SIPA1L2: variants seen among roughly 807,000 people sequenced by gnomAD.
SIPA1L2 encodes signal-induced proliferation-associated 1-like protein 2.
A neutral mutation model predicts 163.9 loss-of-function variants in SIPA1L2; 56 were observed. That is an observed-to-expected ratio of 0.34 (90% CI 0.28 to 0.43). The LOEUF is 0.43. Ranked by LOEUF, SIPA1L2 falls within the 20% of genes least tolerant of loss-of-function variation. The pLI, the probability that SIPA1L2 is intolerant of heterozygous loss-of-function variation, is 1.00. For synonymous variants in SIPA1L2, 877 were observed against 865.7 expected, an observed-to-expected ratio of 1.01 and a Z score of -0.23; for missense variants, 1,974 against 2,193.5, an observed-to-expected ratio of 0.90 and a Z score of 2.00.
chr1:232,475,860 G>A (rs1341449481), intron 7 of SIPA1L2, among the ~76,000 whole-genome samples: 1 of 152,174 alleles, frequency 6.6e-6, no homozygotes, highest in Non-Finnish European at 1.5e-5. Context: ...GGATTATGAA[G>A]ATATAAATGT....
intron 2 of SIPA1L2, among the ~76,000 whole-genome samples, chr1:232,517,789 C>T (rs1352636896): frequency 6.6e-6 from 1 of 152,176 alleles, no homozygotes; most frequent in Non-Finnish European, 1.5e-5. Flanking sequence ...ACCTATAACG[C>T]CAGCACTTTG....
chr1:232,403,455 T>C lies in SIPA1L2; in HGVS notation c.4933A>G (p.Thr1645Ala), dbSNP rs1232189110. Residue 1645 changes from threonine (T) to alanine (A), a missense_variant, in exon 21 of 23, where the codon ACA becomes GCA. Around this residue, in one of 3 missense-constraint regions of SIPA1L2, gnomAD observed 1,079 missense variants for 1,150.7 expected, o/e 0.94. Coordinates refer to ENST00000674635, the MANE Select transcript of SIPA1L2 (RefSeq NM_020808.5). ...CCACAGGGGCTCACATACCCAGTTG[T>C]GTCCATGAACTCTTTGCCACTGCCT... Reference protein sequence around the residue: ...DPGSGKEFMDTTGERSPSPLT... With the variant: ...DPGSGKEFMDATGERSPSPLT... 3 of 1,613,008 alleles carry C rather than the reference T, an allele frequency of 1.9e-6. No homozygotes were observed. Among genetic ancestry groups the C allele is most frequent in the Non-Finnish European group, 2.5e-6 (3 of 1,179,584 alleles).
Position 232,483,794 on chromosome 1 carries a change from T to C in SIPA1L2, c.1979A>G (p.Lys660Arg), listed in dbSNP as rs1665506818. ...ACACACACAAACATTAAACTTACTC[T>C]TATTGTCTAGCTGAGCTCGATATTT... ...FSKYRAQLDN[K>R]TDSTGTHSLY... Residue 660 changes from lysine (K) to arginine (R), a missense_variant and splice_region_variant, in exon 6 of 23, where the codon AAG (lysine) becomes AGG (arginine). Physicochemically the swap from Lys to Arg is conservative, Grantham distance 26. Transcript: ENST00000674635. The C allele has an allele frequency of 6.2e-7, 1 of 1,613,894 alleles. No homozygotes were observed.
At chr1:232,630,199 G>A (rs1365953347), upstream of SIPA1L2, among the ~76,000 whole-genome samples, 33 of 151,724 alleles carry the variant, frequency 2.2e-4, no homozygotes, top group African/African-American at 8.0e-4. Flanking sequence ...CGCTCTGCGG[G>A]CTCCCATTGG....
intron 2 of SIPA1L2, among the ~76,000 whole-genome samples, chr1:232,535,676 C>T (rs1657260356): frequency 6.6e-6 from 1 of 152,138 alleles, no homozygotes; most frequent in Non-Finnish European, 1.5e-5. Context: ...GAGCCTATGT[C>T]CAAATGCAAC....
At chr1:232,603,591 G>A (rs1258359495) in intron 1 of SIPA1L2, among the ~76,000 whole-genome samples, 1 of 152,158 alleles carries the variant, frequency 6.6e-6, no homozygotes, top group Non-Finnish European at 1.5e-5. Flanking sequence ...ACAGAGCCGG[G>A]AGGGAAGGCC....
At chr1:232,416,004 G>A (rs1458605575) in intron 18 of SIPA1L2, 11 of 204,640 alleles carry the variant, frequency 5.4e-5, no homozygotes, top group African/African-American at 4.5e-4. Context: ...GTCAGAACAC[G>A]GGCACCACTG....
chr1:232,487,273 A>G (rs1665687843), intron 5 of SIPA1L2, among the ~76,000 whole-genome samples: 1 of 152,218 alleles, frequency 6.6e-6, no homozygotes, highest in Admixed American at 6.5e-5. Context: ...AATGAAGGTG[A>G]GAAGAAAACA....
chr1:232,464,793 G>C, intron 9 of SIPA1L2, 47 bp downstream of exon 9: 2 of 1,450,478 alleles, frequency 1.4e-6, no homozygotes, highest in East Asian at 4.6e-5. Context: ...TTTGAATCTG[G>C]AATTGAAAAC....
chr1:232,404,443 C>T (rs991762605), intron 19 of SIPA1L2, among the ~76,000 whole-genome samples: 52 of 152,274 alleles, frequency 3.4e-4, no homozygotes, highest in African/African-American at 1.2e-3. Context: ...GCATACACAA[C>T]TGTGGGCTTA....
chr1:232,486,140 C>T (rs535456458), intron 5 of SIPA1L2, among the ~76,000 whole-genome samples: 1 of 152,186 alleles, frequency 6.6e-6, no homozygotes, highest in Non-Finnish European at 1.5e-5. Context: ...TCCCATCCAG[C>T]TCTTAAATGA....
chr1:232,431,473 G>A (rs1199029899), intron 16 of SIPA1L2, among the ~76,000 whole-genome samples: 2 of 152,178 alleles, frequency 1.3e-5, no homozygotes, highest in Non-Finnish European at 2.9e-5. Context: ...AAAATCTGGA[G>A]GCTCTCTCTG....
intron 3 of SIPA1L2, among the ~76,000 whole-genome samples, chr1:232,508,683 T>C (rs139439655): frequency 9.8e-4 from 149 of 152,316 alleles, no homozygotes; most frequent in African/African-American, 3.3e-3. Context: ...ATGAGTCCCA[T>C]CAGAGAAACA....
intron 18 of SIPA1L2, among the ~76,000 whole-genome samples, chr1:232,423,769 G>A (rs139274285): frequency 7.8e-4 from 119 of 152,134 alleles, no homozygotes; most frequent in African/African-American, 2.7e-3. Flanking sequence ...AACAAACTAC[G>A]GTACATCTAG....
At position 232,491,073 on chromosome 1, in the gene SIPA1L2, A is replaced by T; in HGVS notation, c.1618-11T>A. Reference sequence around the variant, plus strand: ...TCTCAGTGTTGTAAGCTGCAGTGACAAAACATAAGACTTCGGTTAATATTG... The same window carrying T: ...TCTCAGTGTTGTAAGCTGCAGTGACTAAACATAAGACTTCGGTTAATATTG... On this transcript the variant is annotated splice_polypyrimidine_tract_variant and intron_variant, in intron 4 of 22. Coordinates refer to ENST00000674635, the MANE Select transcript of SIPA1L2 (RefSeq NM_020808.5). 1.2e-6 allele frequency: 2 copies of T among 1,608,334 alleles called. No individual in the cohort carries two copies. Among genetic ancestry groups the T allele is most frequent in the Non-Finnish European group, 1.7e-6 (2 of 1,176,956 alleles).
In SIPA1L2 at chr1:232,439,133, G is replaced by A; in HGVS notation, c.4006C>T (p.Leu1336Phe). 6.2e-7 allele frequency: 1 copy of A among 1,610,944 alleles called. No individual in the cohort carries two copies. The highest frequency in any genetic ancestry group is 8.5e-7 in the Non-Finnish European group (1 of 1,178,632). The part of the protein sequence containing the change: ...GSAAEGSMGD[L>F]SEISSHSSGS... Reference sequence around the variant, plus strand: ...CTGGAATGAGAGGATATCTCACTGAGATCGCCCATGCTGCCTTCCGCAGCA... The same window carrying A: ...CTGGAATGAGAGGATATCTCACTGAAATCGCCCATGCTGCCTTCCGCAGCA... Residue 1336 changes from leucine (L) to phenylalanine (F), a missense_variant, in exon 15 of 23, where the codon CTC (leucine) becomes TTC (phenylalanine). By Grantham distance (22) the Leu-to-Phe change is conservative. Coordinates refer to ENST00000674635, the MANE Select transcript of SIPA1L2 (RefSeq NM_020808.5).
intron 8 of SIPA1L2, among the ~76,000 whole-genome samples, chr1:232,467,715 C>T (rs1177116283): frequency 2.0e-5 from 3 of 152,222 alleles, no homozygotes; most frequent in Non-Finnish European, 4.4e-5. Context: ...ACCCATGGAA[C>T]GCTGAGGCGG....
At chr1:232,630,287 G>A (rs1028194874), upstream of SIPA1L2, among the ~76,000 whole-genome samples, 1 of 151,794 alleles carries the variant, frequency 6.6e-6, no homozygotes. Flanking sequence ...GCCCGGCTCC[G>A]GGCGCAGCCG....
At chr1:232,479,805 G>C in intron 6 of SIPA1L2, 75 bp from the exon 7 acceptor site, 1 of 1,372,334 alleles carries the variant, frequency 7.3e-7, no homozygotes, top group Non-Finnish European at 1.0e-6. Context: ...AAAGGTTACT[G>C]TTGCAAAAAC....
Sources: allele counts gnomAD v4.1 joint callset (sites outside exome capture counted in the v4.1 genomes callset), GRCh38; gene constraint gnomAD v4.1.1; regional missense constraint gnomAD v4.1.1; transcripts MANE v1.5; gene names NCBI Gene and HGNC (gene_info 2026-07-23, HGNC 2026-07-21).